Variants in ZFHX3 observed in about 807,000 individuals in gnomAD.
The protein encoded by ZFHX3 is zinc finger homeobox 3.
ZFHX3 carries 42 observed loss-of-function variants against 279.1 expected under a neutral mutation model. That is an observed-to-expected ratio of 0.15 (90% CI 0.12 to 0.19). The LOEUF (loss-of-function observed/expected upper bound fraction) is 0.19, where lower values mean the gene tolerates loss of function less well. ZFHX3 is among the 10% of genes least tolerant of loss of function. The pLI is 1.00. For synonymous variants in ZFHX3, 2,293 were observed against 1,957.8 expected (o/e 1.17, Z -4.52); for missense variants, 4,981 against 4,754.0 (o/e 1.05, Z -1.40).
chr16:73,602,684 A>T (rs1178140649), intron 2 of ZFHX3, among the ~76,000 whole-genome samples: 1 of 151,834 alleles, frequency 6.6e-6, no homozygotes, highest in Non-Finnish European at 1.5e-5. Flanking sequence ...CGGTGGCTCA[A>T]GCCTGTAATC....
At chr16:73,292,073 G>A (rs1190334207) in intron 4 of ZFHX3, among the ~76,000 whole-genome samples, 1 of 152,188 alleles carries the variant, frequency 6.6e-6, no homozygotes, top group Non-Finnish European at 1.5e-5. Flanking sequence ...CCATGTTCAA[G>A]TTCATTATGT....
At chr16:73,033,061 C>T (rs1964766313) in intron 1 of ZFHX3, among the ~76,000 whole-genome samples, 1 of 152,122 alleles carries the variant, frequency 6.6e-6, no homozygotes, top group East Asian at 1.9e-4. Flanking sequence ...ACTCAAGTTT[C>T]TCCCCAAGCC....
intron 2 of ZFHX3, among the ~76,000 whole-genome samples, chr16:73,569,406 C>A (rs1277586113): frequency 6.7e-6 from 1 of 150,248 alleles, no homozygotes; most frequent in African/African-American, 2.5e-5. Context: ...TAATTTCTCT[C>A]CCCTGCCCTA....
chr16:73,445,657 G>C (rs1435184883), intron 3 of ZFHX3, among the ~76,000 whole-genome samples: 16 of 152,260 alleles, frequency 1.1e-4, no homozygotes, highest in Admixed American at 1.0e-3. Context: ...CTCTGGATTT[G>C]ATCACTTCAG....
In ZFHX3 at chr16:73,274,146, G is replaced by GA. The variant is rs970934476; in HGVS notation, c.-1193-17011dup. ...GTAACTGAGTGAAACTCTGTCTCAG[G>GA]AAAAAAAAAGTGTAATAGTTATTAC... On this transcript the variant is annotated intron_variant, in intron 4 of 17. Coordinates refer to the ZFHX3 transcript ENST00000641206. Among the ~76,000 whole-genome samples the GA allele has an allele frequency of 1.5e-4, 23 of 150,770 alleles. No individual in the cohort carries two copies. In the East Asian group the frequency reaches 1.7e-3, roughly 11 times the overall value.
intron 1 of ZFHX3, among the ~76,000 whole-genome samples, chr16:73,708,635 G>T (rs1220275479): frequency 6.6e-6 from 1 of 152,100 alleles, no homozygotes; most frequent in Non-Finnish European, 1.5e-5. Context: ...TACCCTCTGA[G>T]AATTCTGTAA....
rs192400940 is a variant in ZFHX3, at chr16:73,082,511, C to T, written c.-533+10724G>A. Reference sequence around the variant, plus strand: ...GTCTCGATCTCCTGACCTCAGGATCCGCCTGCCTTGGCCTCCCAGAGTGCT... The same window carrying T: ...GTCTCGATCTCCTGACCTCAGGATCTGCCTGCCTTGGCCTCCCAGAGTGCT... On this transcript the variant is annotated intron_variant, in intron 8 of 17. Transcript: ENST00000641206. Among the ~76,000 whole-genome samples, 43 of 152,184 alleles carry T rather than the reference C, an allele frequency of 2.8e-4. No individual in the cohort carries two copies. In the Middle Eastern group the frequency reaches 0.014, roughly 48 times the overall value.
intron 1 of ZFHX3, among the ~76,000 whole-genome samples, chr16:72,960,609 A>C (rs968408402): frequency 6.6e-6 from 1 of 152,174 alleles, no homozygotes; most frequent in Non-Finnish European, 1.5e-5. Context: ...GCTCACACGA[A>C]GTCAGCCCCG....
rs1310717929 is a variant in ZFHX3 at position 73,735,382 on chromosome 16, TAAAAAAAAA to T, written c.-1607-55151_-1607-55143del. Among the ~76,000 whole-genome samples the T allele has an allele frequency of 3.4e-4, 35 of 102,272 alleles. No individual in the cohort carries two copies. In the Admixed American group the frequency reaches 3.7e-3, roughly 11 times the overall value. The allele number at this position is 102,272 out of a possible 152,430, so 67.1% of individuals were successfully genotyped here. ...ATAAAGCAAGTTCCATGTGTGCTTC[TAAAAAAAAA>T]AAAAAAAAAAAGAACTCCCCATTCT... On this transcript the variant is annotated intron_variant, in intron 1 of 17. Coordinates refer to the ZFHX3 transcript ENST00000641206.
intron 7 of ZFHX3, among the ~76,000 whole-genome samples, chr16:73,105,736 G>C (rs1465093388): frequency 2.0e-5 from 3 of 152,148 alleles, no homozygotes; most frequent in Admixed American, 6.5e-5. Context: ...CTGTGTGAGA[G>C]AGTGAGCCTC....
intron 3 of ZFHX3, among the ~76,000 whole-genome samples, chr16:73,335,264 C>T (rs2015890024): frequency 6.6e-6 from 1 of 152,120 alleles, no homozygotes; most frequent in Non-Finnish European, 1.5e-5. Flanking sequence ...CAAATGAAGA[C>T]AGGTTTATTT....
At chr16:73,810,127 G>A (rs575534316) in intron 1 of ZFHX3, among the ~76,000 whole-genome samples, 12 of 152,246 alleles carry the variant, frequency 7.9e-5, no homozygotes, top group Middle Eastern at 3.4e-3. Flanking sequence ...TTTCCAGGTT[G>A]CCCTAAATCT....
intron 3 of ZFHX3, among the ~76,000 whole-genome samples, chr16:73,447,914 C>T (rs2018214953): frequency 6.6e-6 from 1 of 152,164 alleles, no homozygotes; most frequent in African/African-American, 2.4e-5. Flanking sequence ...ATAGTAAAAA[C>T]ACCTTAAAAG....
At chr16:73,555,591 T>G (rs1046102579) in intron 2 of ZFHX3, among the ~76,000 whole-genome samples, 5 of 151,646 alleles carry the variant, frequency 3.3e-5, no homozygotes, top group East Asian at 2.0e-4. Flanking sequence ...AGCACTTTGG[T>G]AGGCCAAGAT....
intron 7 of ZFHX3, among the ~76,000 whole-genome samples, chr16:73,108,392 A>G (rs1244570336): frequency 6.6e-6 from 1 of 151,716 alleles, no homozygotes; most frequent in African/African-American, 2.4e-5. Context: ...GACGATGAAG[A>G]GGAGAAGGAT....
intron 5 of ZFHX3, among the ~76,000 whole-genome samples, chr16:73,218,656 C>A (rs2012298183): frequency 6.6e-6 from 1 of 152,126 alleles, no homozygotes; most frequent in Admixed American, 6.5e-5. Flanking sequence ...GTAGTCCCAG[C>A]TACTCAGGAG....
chr16:73,845,602 G>C (rs1347588204), intron 1 of ZFHX3, among the ~76,000 whole-genome samples: 1 of 151,782 alleles, frequency 6.6e-6, no homozygotes, highest in Non-Finnish European at 1.5e-5. Context: ...TCAATTCCGA[G>C]TCAGCAGATC....
At chr16:73,565,084 C>G (rs969542324) in intron 2 of ZFHX3, among the ~76,000 whole-genome samples, 2 of 152,144 alleles carry the variant, frequency 1.3e-5, no homozygotes, top group Non-Finnish European at 2.9e-5. Context: ...GAAACCCCAT[C>G]TCTACTAAAA....
chr16:73,034,876 T>C (rs1964843068), intron 1 of ZFHX3, among the ~76,000 whole-genome samples: 1 of 152,332 alleles, frequency 6.6e-6, no homozygotes, highest in South Asian at 2.1e-4. Context: ...CATGAGCATG[T>C]CGGGGGAGCC....
Sources: gnomAD v4.1 joint callset for allele counts (sites outside exome capture counted in the v4.1 genomes callset) on GRCh38, gnomAD v4.1.1 for gene constraint, MANE v1.5 for transcripts, NCBI Gene and HGNC (gene_info 2026-07-23, HGNC 2026-07-21) for gene names.